NBEA: variants seen among roughly 807,000 people sequenced by gnomAD.
NBEA encodes neurobeachin.
A neutral mutation model predicts 343.4 loss-of-function variants in NBEA; 44 were observed. The observed-to-expected ratio is 0.13, with a 90% CI of 0.10 to 0.16. NBEA has a LOEUF of 0.16. Among genes scored for constraint, NBEA ranks in the 10% least tolerant of loss-of-function variants. NBEA has a pLI of 1.00. For synonymous variants in NBEA, 1,175 were observed against 1,238.7 expected (o/e 0.95, Z 1.08); for missense variants, 2,555 against 3,631.3 (o/e 0.70, Z 7.62).
At chr13:35,445,037 G>C (rs917303913) in intron 39 of NBEA, among the ~76,000 whole-genome samples, 1 of 151,994 alleles carries the variant, frequency 6.6e-6, no homozygotes, top group Non-Finnish European at 1.5e-5. Context: ...TAATGAATAC[G>C]AACACTGTTA....
chr13:35,558,482 A>T (rs747905037), intron 44 of NBEA, among the ~76,000 whole-genome samples: 3 of 152,198 alleles, frequency 2.0e-5, no homozygotes, highest in Non-Finnish European at 4.4e-5. Context: ...TGTGAGGTGA[A>T]GATTTTGGAT....
chr13:35,670,978 A>G lies in NBEA; in HGVS notation c.8891A>G (p.Gln2964Arg). The change falls in exon 59 of 59, where the codon CAG becomes CGG. Residue 2964 changes from glutamine to arginine, a missense_variant. Physicochemically the swap from Gln to Arg is conservative, Grantham distance 43 (BLOSUM62 1). Coordinates refer to ENST00000379939, the MANE Select transcript of NBEA (RefSeq NM_001385012.1). ...TTTAATCGGTGGCATTATGAGCATC[A>G]GAACAGATACTGAAGATAAAGGAAG... Reference protein sequence around the residue: ...IDFNRWHYEHQNRY With the variant: ...IDFNRWHYEHRNRY 1 of 1,577,208 alleles carries G rather than the reference A, an allele frequency of 6.3e-7. No homozygotes were observed. Among genetic ancestry groups the G allele is most frequent in the Non-Finnish European group, 8.6e-7 (1 of 1,159,668 alleles).
At chr13:35,217,169 A>G (rs540026587) in intron 33 of NBEA, among the ~76,000 whole-genome samples, 5 of 152,010 alleles carry the variant, frequency 3.3e-5, no homozygotes, top group South Asian at 4.1e-4. Context: ...TTCCATCAAT[A>G]TGTCTCCTTC....
intron 38 of NBEA, among the ~76,000 whole-genome samples, chr13:35,364,233 T>C (rs374583835): frequency 2.0e-5 from 3 of 151,858 alleles, no homozygotes; most frequent in African/African-American, 7.2e-5. Flanking sequence ...GCCCTTTCTC[T>C]GCCTATACAA....
At chr13:34,947,841 T>C (rs1404823144) in intron 1 of NBEA, among the ~76,000 whole-genome samples, 4 of 152,226 alleles carry the variant, frequency 2.6e-5, no homozygotes, top group African/African-American at 4.8e-5. Flanking sequence ...AGTCAACTCA[T>C]ATAAACTTTA....
At chr13:35,358,858 G>A (rs928402906) in intron 38 of NBEA, among the ~76,000 whole-genome samples, 1 of 152,196 alleles carries the variant, frequency 6.6e-6, no homozygotes, top group African/African-American at 2.4e-5. Flanking sequence ...GTTTGAAGAA[G>A]CTCTGTTTAA....
At chr13:35,190,283 G>T (rs552813766) in intron 30 of NBEA, among the ~76,000 whole-genome samples, 13 of 152,202 alleles carry the variant, frequency 8.5e-5, no homozygotes, top group African/African-American at 2.9e-4. Context: ...CAAGAACCTT[G>T]CCTAAAAGCT....
chr13:35,523,365 GT>G lies in NBEA; in HGVS notation c.6586-27107del, dbSNP rs540899208. Among the ~76,000 whole-genome samples, 4 of 152,286 alleles carry G rather than the reference GT, an allele frequency of 2.6e-5. No individual in the cohort carries two copies. The South Asian group carries it at 8.3e-4, about 32-fold the overall frequency. The stretch of plus-strand genomic sequence containing the variant: ...TCAGAACCACCGTGCACTTGGGTTT[GT>G]TTTTCTTAAGAAAGAAGAACAGATT... On this transcript the variant is annotated intron_variant, in intron 41 of 58. Coordinates refer to ENST00000379939, the MANE Select transcript of NBEA (RefSeq NM_001385012.1).
At chr13:35,380,023 T>G (rs2041930332) in intron 38 of NBEA, among the ~76,000 whole-genome samples, 1 of 152,180 alleles carries the variant, frequency 6.6e-6, no homozygotes, top group African/African-American at 2.4e-5. Context: ...GGATTTTGAT[T>G]GGGATTGCAT....
At position 35,123,581 on chromosome 13, in the gene NBEA, T is replaced by C; in HGVS notation, c.2336+7T>C. ...TGAAGCATTTAGGTCACAAGTAAGTTGATATTTGTCATAATGCATTCTAGA... is the reference window on the plus strand; with the variant it reads ...TGAAGCATTTAGGTCACAAGTAAGTCGATATTTGTCATAATGCATTCTAGA... On this transcript the variant is annotated splice_region_variant and intron_variant, in intron 17 of 58. Transcript: ENST00000379939. 6.8e-7 allele frequency: 1 copy of C among 1,461,846 alleles called. No individual in the cohort carries two copies. Among genetic ancestry groups the C allele is most frequent in the African/African-American group, 1.4e-5 (1 of 72,358 alleles). The allele number at this position is 1,461,846 out of a possible 1,614,324, so 90.6% of individuals were successfully genotyped here. A position where few individuals can be genotyped will look rare whatever the true frequency, so the allele number is the denominator to read the frequency against.
intron 39 of NBEA, among the ~76,000 whole-genome samples, chr13:35,440,417 T>G (rs1365672206): frequency 6.6e-6 from 1 of 152,210 alleles, no homozygotes; most frequent in East Asian, 1.9e-4. Context: ...TAATATACAA[T>G]TGTAATATTT....
intron 33 of NBEA, among the ~76,000 whole-genome samples, chr13:35,215,345 ATTT>A (rs1319894782): frequency 1.3e-5 from 2 of 151,352 alleles, no homozygotes; most frequent in Non-Finnish European, 3.0e-5. Context: ...TCTTGTACTT[ATTT>A]TTATGTCTTT....
chr13:35,116,194 C>G (rs1465838490), intron 13 of NBEA, among the ~76,000 whole-genome samples: 1 of 152,120 alleles, frequency 6.6e-6, no homozygotes, highest in Non-Finnish European at 1.5e-5. Flanking sequence ...TGATAGAAAT[C>G]AGAAGTACAT....
intron 46 of NBEA, among the ~76,000 whole-genome samples, chr13:35,586,510 A>G (rs1354797787): frequency 6.6e-6 from 1 of 152,236 alleles, no homozygotes; most frequent in African/African-American, 2.4e-5. Context: ...ACTAAAGGAA[A>G]AGACATAAAA....
At chr13:35,655,383 G>A (rs1348906487) in intron 54 of NBEA, among the ~76,000 whole-genome samples, 196 bp from the exon 55 acceptor site, 2 of 152,254 alleles carry the variant, frequency 1.3e-5, no homozygotes, top group East Asian at 3.9e-4. Flanking sequence ...GTTTCCAAAA[G>A]CAATGCAAGA....
chr13:35,627,787 T>G (rs1349597728), intron 48 of NBEA, among the ~76,000 whole-genome samples: 2 of 152,216 alleles, frequency 1.3e-5, no homozygotes, highest in Non-Finnish European at 1.5e-5. Context: ...ATAAGAAATT[T>G]ATTTATGTTA....
At chr13:35,574,210 G>C (rs936438538) in intron 45 of NBEA, among the ~76,000 whole-genome samples, 2 of 150,980 alleles carry the variant, frequency 1.3e-5, no homozygotes, top group Admixed American at 6.6e-5. Flanking sequence ...ACAACGCTAT[G>C]ATGAGTTGCA....
In NBEA at chr13:35,541,899, C is replaced by T. The variant is rs540325764; in HGVS notation, c.6586-8578C>T. Among the ~76,000 whole-genome samples the T allele has an allele frequency of 1.8e-4, 27 of 152,134 alleles. No individual in the cohort carries two copies. In the East Asian group the frequency reaches 3.5e-3, roughly 20 times the overall value. On this transcript the variant is annotated intron_variant, in intron 41 of 58. Coordinates refer to ENST00000379939, the MANE Select transcript of NBEA (RefSeq NM_001385012.1). ...AAGAGCTATTAATATCTCATTCAAT[C>T]GCACAATGACCCCATGAAGTTAGGT...
At chr13:35,625,380 G>T (rs908303563) in intron 48 of NBEA, among the ~76,000 whole-genome samples, 6 of 152,168 alleles carry the variant, frequency 3.9e-5, no homozygotes, top group Admixed American at 3.3e-4. Context: ...ACTTTGGGAG[G>T]CCGAGGCAGG....
Sources: allele counts gnomAD v4.1 joint callset (sites outside exome capture counted in the v4.1 genomes callset), GRCh38; gene constraint gnomAD v4.1.1; transcripts MANE v1.5; gene names NCBI Gene and HGNC (gene_info 2026-07-23, HGNC 2026-07-21).